ARHGEF12: variants seen among roughly 807,000 people sequenced by gnomAD.
The protein encoded by ARHGEF12 is KMT2A/ARHGEF12 fusion protein.
In ARHGEF12, 66 loss-of-function variants were observed where a neutral mutation model predicts 211.2. The ratio of observed to expected loss-of-function variants is 0.31; its 90% CI spans 0.26 to 0.38. The LOEUF (loss-of-function observed/expected upper bound fraction) is 0.38. ARHGEF12 is among the 10% of genes least tolerant of loss of function. The pLI is 1.00. For synonymous variants in ARHGEF12, 592 were observed against 638.4 expected (o/e 0.93, Z 1.09); for missense variants, 1,429 against 1,869.5 (o/e 0.76, Z 4.34).
chr11:120,480,124 G>A lies in ARHGEF12; in HGVS notation c.3931G>A (p.Gly1311Arg). The change falls in exon 38 of 41, where the codon GGA (glycine) becomes AGA (arginine). Residue 1311 changes from glycine to arginine, a missense_variant. Around this residue, in one of 7 missense-constraint regions of ARHGEF12, gnomAD observed 467 missense variants for 468.4 expected, o/e 1.00. Coordinates refer to ENST00000397843, the MANE Select transcript of ARHGEF12 (RefSeq NM_015313.3). ...ENIKAYHSGE[G>R]HMPFRTGTGD... ...TATTAAGGCCTATCATTCTGGTGAA[G>A]GACATATGCCCTTTAGAACTGGAAC... The A allele has an allele frequency of 6.2e-7, 1 of 1,614,192 alleles. No individual in the cohort carries two copies. The highest frequency in any genetic ancestry group is 8.5e-7 in the Non-Finnish European group (1 of 1,180,032).
At chr11:120,364,511 A>G (rs916358622) in intron 1 of ARHGEF12, among the ~76,000 whole-genome samples, 28 of 152,232 alleles carry the variant, frequency 1.8e-4, no homozygotes, top group African/African-American at 6.0e-4. Context: ...ATTTTATACA[A>G]AGAGATCACC....
In ARHGEF12 at chr11:120,409,461, G is replaced by A; in HGVS notation, c.199+11G>A. ...GATCCGAGATATATGGTAAGCTAAT[G>A]TAGCTAATTCAGCCTTGCCCTTTGG... is the stretch of plus-strand genomic sequence containing the variant. On this transcript the variant is annotated intron_variant, in intron 4 of 40. Coordinates refer to ENST00000397843, the MANE Select transcript of ARHGEF12 (RefSeq NM_015313.3). 1 of 1,613,498 alleles carries A rather than the reference G, an allele frequency of 6.2e-7. No homozygotes were observed. Among genetic ancestry groups the A allele is most frequent in the East Asian group, 2.2e-5 (1 of 44,860 alleles).
chr11:120,385,380 A>G (rs1329467586), intron 1 of ARHGEF12: 2 of 985,280 alleles, frequency 2.0e-6, no homozygotes, highest in Admixed American at 6.1e-5. Flanking sequence ...GAAAAAGCTT[A>G]GGATTGCTAA....
At chr11:120,403,393 G>C (rs556668178) in intron 1 of ARHGEF12, among the ~76,000 whole-genome samples, 16 of 152,170 alleles carry the variant, frequency 1.1e-4, no homozygotes, top group Non-Finnish European at 1.8e-4. Context: ...TGTAACCCCA[G>C]CTACTCGGGA....
At chr11:120,451,800 G>A in intron 22 of ARHGEF12, 76 bp downstream of exon 22, 1 of 1,358,200 alleles carries the variant, frequency 7.4e-7, no homozygotes, top group Non-Finnish European at 1.0e-6. Context: ...AAATAGAGTG[G>A]CAAGTTAATC....
intron 1 of ARHGEF12, among the ~76,000 whole-genome samples, chr11:120,347,132 TTTCCTTCCTTCCTTCC>T (rs71050738): frequency 8.7e-6 from 1 of 115,600 alleles, no homozygotes; most frequent in Non-Finnish European, 1.8e-5. Context: ...TCTTTCTTTC[TTTCCTTCCTTCCTTCC>T]TTCCTTCCTT....
intron 1 of ARHGEF12, among the ~76,000 whole-genome samples, chr11:120,370,153 T>G (rs1943550183): frequency 6.6e-6 from 1 of 152,190 alleles, no homozygotes; most frequent in African/African-American, 2.4e-5. Context: ...ATAATGAATA[T>G]TAATAAAATA....
intron 1 of ARHGEF12, among the ~76,000 whole-genome samples, chr11:120,367,049 C>T (rs73582205): frequency 0.012 from 1,855 of 151,978 alleles, 38 homozygotes; most frequent in African/African-American, 0.041. Context: ...GTCACTGCTA[C>T]ACTGGCAAAG....
At chr11:120,407,922 C>T in intron 3 of ARHGEF12, 99 bp downstream of exon 3, 2 of 1,034,900 alleles carry the variant, frequency 1.9e-6, no homozygotes, top group Non-Finnish European at 1.5e-6. Flanking sequence ...GTTGTTTGAT[C>T]TGTTTTAGGA....
At chr11:120,360,066 G>T (rs2135356487) in intron 1 of ARHGEF12, among the ~76,000 whole-genome samples, 1 of 152,294 alleles carries the variant, frequency 6.6e-6, no homozygotes, top group South Asian at 2.1e-4. Context: ...ATATTTTAAG[G>T]TAGAGACTCT....
At chr11:120,445,324 G>GT in intron 15 of ARHGEF12, 98 bp from the exon 16 acceptor site, 1 of 1,090,764 alleles carries the variant, frequency 9.2e-7, no homozygotes, top group East Asian at 2.4e-5. Flanking sequence ...CTTGTAGAGT[G>GT]GGTATCCAAG....
chr11:120,347,021 G>GT (rs1942751659), intron 1 of ARHGEF12, among the ~76,000 whole-genome samples: 1 of 152,100 alleles, frequency 6.6e-6, no homozygotes, highest in South Asian at 2.1e-4. Flanking sequence ...TTCATAGAGC[G>GT]TATCTAGAAT....
chr11:120,452,924 A>G (rs772410394), intron 22 of ARHGEF12, among the ~76,000 whole-genome samples: 5 of 148,818 alleles, frequency 3.4e-5, no homozygotes, highest in Non-Finnish European at 7.5e-5. Context: ...TGAATCCAGG[A>G]GGTGGGTGGA....
intron 1 of ARHGEF12, among the ~76,000 whole-genome samples, chr11:120,373,347 T>C (rs754567690): frequency 1.3e-5 from 2 of 152,224 alleles, no homozygotes; most frequent in Non-Finnish European, 2.9e-5. Context: ...TAAAATATGT[T>C]TTATTTCCAT....
intron 22 of ARHGEF12, among the ~76,000 whole-genome samples, chr11:120,453,883 G>A (rs894809594): frequency 1.3e-5 from 2 of 152,158 alleles, no homozygotes; most frequent in Admixed American, 6.5e-5. Context: ...AAGAAAAAGA[G>A]CAAAAATGAT....
chr11:120,343,393 G>A (rs1285355711), intron 1 of ARHGEF12, among the ~76,000 whole-genome samples: 1 of 152,166 alleles, frequency 6.6e-6, no homozygotes, highest in African/African-American at 2.4e-5. Flanking sequence ...CATCAAGATA[G>A]TCATATAGGG....
At chr11:120,379,759 C>A (rs567877681) in intron 1 of ARHGEF12, among the ~76,000 whole-genome samples, 1 of 151,992 alleles carries the variant, frequency 6.6e-6, no homozygotes, top group South Asian at 2.1e-4. Context: ...GAGTGTTAAA[C>A]CTACCTGGCA....
chr11:120,458,304 G>A (rs1273371775), intron 25 of ARHGEF12, 70 bp downstream of exon 25: 1 of 1,570,834 alleles, frequency 6.4e-7, no homozygotes, highest in Non-Finnish European at 8.6e-7. Flanking sequence ...AAGTCTCTCA[G>A]CCTTGGAGTT....
At chr11:120,392,972 T>C (rs1172459101) in intron 1 of ARHGEF12, among the ~76,000 whole-genome samples, 3 of 152,200 alleles carry the variant, frequency 2.0e-5, no homozygotes, top group Non-Finnish European at 4.4e-5. Flanking sequence ...ATCTGGACTC[T>C]GAGAGGAATA....
Sources: allele counts gnomAD v4.1 joint callset (sites outside exome capture counted in the v4.1 genomes callset), GRCh38; gene constraint gnomAD v4.1.1; regional missense constraint gnomAD v4.1.1; transcripts MANE v1.5; gene names NCBI Gene and HGNC (gene_info 2026-07-23, HGNC 2026-07-21).